The following BRAF variants were observed in gnomAD, a reference collection of about 807,000 sequenced individuals.
BRAF encodes the protein B-Raf proto-oncogene, serine/threonine kinase.
BRAF carries 16 observed loss-of-function variants against 104.6 expected under a neutral mutation model. That is an observed-to-expected ratio of 0.15 (90% CI 0.10 to 0.23). BRAF has a LOEUF of 0.23. Ranked by LOEUF, BRAF falls within the 10% of genes least tolerant of loss-of-function variation. The pLI, the probability that BRAF is intolerant of heterozygous loss-of-function variation, is 1.00. For synonymous variants in BRAF, 310 were observed against 341.6 expected (o/e 0.91, Z 1.02); for missense variants, 541 against 937.3 (o/e 0.58, Z 5.52).
intron 1 of BRAF, among the ~76,000 whole-genome samples, chr7:140,885,654 A>G (rs910632566): frequency 1.6e-4 from 24 of 152,198 alleles, no homozygotes; most frequent in Admixed American, 7.2e-4. Flanking sequence ...TTGTATGTGG[A>G]TATATCCATA....
chr7:140,857,380 T>C (rs536216228), intron 1 of BRAF, among the ~76,000 whole-genome samples: 1 of 152,332 alleles, frequency 6.6e-6, no homozygotes, highest in East Asian at 1.9e-4. Context: ...CCTTGATTTT[T>C]GCCCAGTAAA....
In BRAF at chr7:140,924,279, T is replaced by A. The variant is rs371851738; in HGVS notation, c.138+287A>T. Among the ~76,000 whole-genome samples, 1 of 151,952 alleles carries A rather than the reference T, an allele frequency of 6.6e-6. No homozygotes were observed. Among genetic ancestry groups the A allele is most frequent in the African/African-American group, 2.4e-5 (1 of 41,378 alleles). ...AATCGTGACCTTCTCGGACCAACCC[T>A]GAGTTTCGCCCCCTATTGATAGCCT... On this transcript the variant is annotated intron_variant, in intron 1 of 19. Coordinates refer to ENST00000644969, the MANE Select transcript of BRAF (RefSeq NM_001374258.1). This position sits in a 1 kb window ranked among gnomAD's most constrained non-coding sequence, Gnocchi z 4.2.
intron 1 of BRAF, among the ~76,000 whole-genome samples, chr7:140,906,383 G>T (rs1387011205): frequency 6.6e-6 from 1 of 151,970 alleles, no homozygotes; most frequent in Non-Finnish European, 1.5e-5. Context: ...TATATTATTT[G>T]TAGAGACGGG....
At chr7:140,868,748 G>A (rs1408192391) in intron 1 of BRAF, among the ~76,000 whole-genome samples, 1 of 151,894 alleles carries the variant, frequency 6.6e-6, no homozygotes, top group Non-Finnish European at 1.5e-5. Flanking sequence ...AGTTACTTTT[G>A]AAAAAAAGGA....
At chr7:140,777,626 T>C (rs1283675199) in intron 13 of BRAF, among the ~76,000 whole-genome samples, 1 of 152,192 alleles carries the variant, frequency 6.6e-6, no homozygotes, top group African/African-American at 2.4e-5. Flanking sequence ...ACTAGGCATA[T>C]CCTAGTTTGT....
At chr7:140,727,901 A>G (rs933618544) in intron 19 of BRAF, among the ~76,000 whole-genome samples, 6 of 152,254 alleles carry the variant, frequency 3.9e-5, no homozygotes, top group Non-Finnish European at 8.8e-5. Flanking sequence ...GATTACACGC[A>G]TGAGCCACCA....
At chr7:140,760,488 A>T (rs943895308) in intron 14 of BRAF, among the ~76,000 whole-genome samples, 2 of 152,052 alleles carry the variant, frequency 1.3e-5, no homozygotes, top group Non-Finnish European at 2.9e-5. Context: ...AGTGGGGTCC[A>T]AGATAAAAAG....
intron 1 of BRAF, among the ~76,000 whole-genome samples, chr7:140,897,857 GAC>G (rs952539215): frequency 2.6e-5 from 4 of 151,934 alleles, no homozygotes; most frequent in Non-Finnish European, 5.9e-5. Flanking sequence ...TAAATGAAAA[GAC>G]TGCTAAATCT....
At chr7:140,785,637 G>GT in intron 10 of BRAF, 2 of 398,622 alleles carry the variant, frequency 5.0e-6, no homozygotes, top group Non-Finnish European at 8.9e-6. Context: ...AGCATCTGTA[G>GT]TTTTATATTT....
At chr7:140,880,509 T>C (rs967958170) in intron 1 of BRAF, among the ~76,000 whole-genome samples, 1 of 152,216 alleles carries the variant, frequency 6.6e-6, no homozygotes, top group African/African-American at 2.4e-5. Context: ...GGTGCTATTT[T>C]GACCTCCTCT....
intron 10 of BRAF, among the ~76,000 whole-genome samples, chr7:140,784,083 G>C (rs1801130138): frequency 6.6e-6 from 1 of 152,086 alleles, no homozygotes; most frequent in Non-Finnish European, 1.5e-5. Flanking sequence ...GTAGAACTCA[G>C]ATGTCCAGGC....
At chr7:140,767,998 A>T (rs184970205) in intron 14 of BRAF, among the ~76,000 whole-genome samples, 76 of 152,342 alleles carry the variant, frequency 5.0e-4, no homozygotes, top group African/African-American at 1.7e-3. Flanking sequence ...GTGAGTTAAC[A>T]GTATGTAGCA....
At chr7:140,791,545 C>CTCTTTGAGCAATTTACATATGG (rs1801973707) in intron 8 of BRAF, among the ~76,000 whole-genome samples, 2 of 152,170 alleles carry the variant, frequency 1.3e-5, no homozygotes, top group Non-Finnish European at 2.9e-5. Context: ...TTTACATATG[C>CTCTTTGAGCAATTTACATATGG]TCTTTGAGCA....
In BRAF at chr7:140,827,930, CTT is replaced by C. The variant is rs1353493106; in HGVS notation, c.504+6677_504+6678del. The stretch of plus-strand genomic sequence containing the variant: ...TTTTTTTTTGAGATGGAGTTTTGCT[CTT>C]GTTGCCCCGGCTGGAGTGCAACGGC... On this transcript the variant is annotated intron_variant, in intron 3 of 19. Coordinates refer to ENST00000644969, the MANE Select transcript of BRAF (RefSeq NM_001374258.1). Among the ~76,000 whole-genome samples, 7 of 152,108 alleles carry C rather than the reference CTT, an allele frequency of 4.6e-5. No homozygotes were observed. The South Asian group carries it at 1.0e-3, about 23-fold the overall frequency.
intron 1 of BRAF, among the ~76,000 whole-genome samples, chr7:140,911,759 T>G (rs1020457991): frequency 1.7e-4 from 26 of 152,312 alleles, no homozygotes; most frequent in African/African-American, 6.3e-4. Context: ...AAGAAAATTT[T>G]TTTAAAAGAA....
chr7:140,795,825 A>C (rs1802440464), intron 7 of BRAF, among the ~76,000 whole-genome samples: 1 of 152,226 alleles, frequency 6.6e-6, no homozygotes, highest in Non-Finnish European at 1.5e-5. Flanking sequence ...TAGGTAAGAA[A>C]CAAGCCTTTA....
intron 1 of BRAF, among the ~76,000 whole-genome samples, chr7:140,888,722 C>G (rs1813865826): frequency 6.6e-6 from 1 of 151,966 alleles, no homozygotes; most frequent in South Asian, 2.1e-4. Context: ...GTAATCCTAG[C>G]TACTCAGGAG....
chr7:140,831,880 ACG>A (rs1332948131), intron 3 of BRAF, among the ~76,000 whole-genome samples: 1 of 152,214 alleles, frequency 6.6e-6, no homozygotes, highest in Non-Finnish European at 1.5e-5. Flanking sequence ...AATTACTCTG[ACG>A]ACTACCCAAG....
Position 140,743,215 on chromosome 7 carries a change from A to G in BRAF, c.2113-3269T>C, listed in dbSNP as rs545079045. 1.2e-3 allele frequency among the ~76,000 whole-genome samples: 180 copies of G among 151,488 alleles called. 1 individual carries two copies. The highest frequency in any genetic ancestry group is 4.0e-3 in the African/African-American group (162 of 40,988). ...AAATACCATTTGACCCAGCCATCCC[A>G]TTACTGGGTATATACCCAAAGGACT... On this transcript the variant is annotated intron_variant, in intron 17 of 19. Coordinates refer to ENST00000644969, the MANE Select transcript of BRAF (RefSeq NM_001374258.1).
Sources: allele counts gnomAD v4.1 joint callset (sites outside exome capture counted in the v4.1 genomes callset), GRCh38; gene constraint gnomAD v4.1.1; non-coding constraint Gnocchi (gnomAD v3.1); transcripts MANE v1.5; gene names NCBI Gene and HGNC (gene_info 2026-07-23, HGNC 2026-07-21).